Variants in DEPDC5 observed in about 807,000 individuals in gnomAD.
DEPDC5 encodes GATOR1 complex protein DEPDC5.
A neutral mutation model predicts 217.3 loss-of-function variants in DEPDC5; 73 were observed. The ratio of observed to expected loss-of-function variants is 0.34; its 90% CI spans 0.28 to 0.41. The LOEUF is 0.41. Among genes scored for constraint, DEPDC5 ranks in the 10% least tolerant of loss-of-function variants. DEPDC5 has a pLI of 1.00. For synonymous variants in DEPDC5, 733 were observed against 756.7 expected (o/e 0.97, Z 0.51); for missense variants, 1,675 against 2,070.1 (o/e 0.81, Z 3.70).
intron 7 of DEPDC5, 147 bp downstream of exon 7, chr22:31,769,010 T>G: frequency 9.6e-7 from 1 of 1,045,280 alleles, no homozygotes. Flanking sequence ...CCTGTAATCC[T>G]AGCACTTTGG....
intron 24 of DEPDC5, among the ~76,000 whole-genome samples, chr22:31,831,567 T>G (rs1602249312): frequency 6.6e-6 from 1 of 152,070 alleles, no homozygotes; most frequent in Non-Finnish European, 1.5e-5. Flanking sequence ...AAGTGCTGCT[T>G]CTTCTGCCTC....
intron 41 of DEPDC5, among the ~76,000 whole-genome samples, chr22:31,903,891 C>T (rs2093709534): frequency 2.0e-5 from 3 of 151,626 alleles, no homozygotes; most frequent in Non-Finnish European, 2.9e-5. Flanking sequence ...ATGCTTTTTC[C>T]TATTTGTGTT....
At chr22:31,778,314 A>G (rs1196509157) in intron 8 of DEPDC5, 146 bp downstream of exon 8, 1 of 747,910 alleles carries the variant, frequency 1.3e-6, no homozygotes. Context: ...CCTGGGCAAC[A>G]TGGAGAGACC....
Position 31,792,567 on chromosome 22 carries a change from C to G in DEPDC5, c.695-178C>G. ...GTTGCAGTGAGCTGAGATCTTACCA[C>G]TGCACTCCAGTCTGGGTGACAGAGT... On this transcript the variant is annotated intron_variant, in intron 11 of 42. Coordinates refer to ENST00000651528, the MANE Select transcript of DEPDC5 (RefSeq NM_001242896.3). The G allele has an allele frequency of 9.4e-6, 4 of 424,910 alleles. No homozygotes were observed. In the South Asian group the frequency reaches 1.1e-4, roughly 12 times the overall value. The allele number at this position is 424,910 out of a possible 1,614,324, so 26.3% of individuals were successfully genotyped here.
chr22:31,848,482 G>C (rs1475139946), intron 31 of DEPDC5, among the ~76,000 whole-genome samples: 1 of 152,208 alleles, frequency 6.6e-6, no homozygotes, highest in South Asian at 2.1e-4. Context: ...GCCAAGGCTT[G>C]GGGCTTACAC....
intron 31 of DEPDC5, among the ~76,000 whole-genome samples, chr22:31,854,212 T>G (rs568330576): frequency 6.6e-6 from 1 of 152,314 alleles, no homozygotes; most frequent in Non-Finnish European, 1.5e-5. Context: ...AAGAAGAGCT[T>G]CTAAGGGCAA....
At chr22:31,802,891 C>T in intron 15 of DEPDC5, 53 bp downstream of exon 15, 5 of 1,503,888 alleles carry the variant, frequency 3.3e-6, no homozygotes, top group South Asian at 2.8e-5. Context: ...CCTGATTTCC[C>T]CTTAGAACTG....
chr22:31,896,071 G>T (rs1471515134), intron 39 of DEPDC5, among the ~76,000 whole-genome samples: 1 of 151,570 alleles, frequency 6.6e-6, no homozygotes, highest in Non-Finnish European at 1.5e-5. Flanking sequence ...TATAGTTATA[G>T]TTGGGCAGGA....
chr22:31,776,865 G>T (rs2083913744), intron 7 of DEPDC5, among the ~76,000 whole-genome samples: 1 of 151,916 alleles, frequency 6.6e-6, no homozygotes, highest in Non-Finnish European at 1.5e-5. Context: ...ATGAGCCACT[G>T]CACCCATTCT....
chr22:31,893,684 C>G lies in DEPDC5; in HGVS notation c.4136C>G (p.Ser1379Cys), dbSNP rs765244692. The change falls in exon 39 of 43, where the codon TCT becomes TGT. Residue 1379 changes from serine (S) to cysteine (C), a missense_variant. Ser to Cys is a moderately radical substitution (Grantham distance 112). Around this residue, in one of 11 missense-constraint regions of DEPDC5, gnomAD observed 182 missense variants for 290.1 expected, o/e 0.63. Coordinates refer to ENST00000651528, the MANE Select transcript of DEPDC5 (RefSeq NM_001242896.3). ...WCSCYYHGNFSLNAAFEIKLH... is the reference protein window; with the variant it reads ...WCSCYYHGNFCLNAAFEIKLH... ...AGCTGTTATTACCATGGCAACTTTT[C>G]TCTGAATGCAGCCTTTGAGATCAAG... 1.9e-6 allele frequency: 3 copies of G among 1,614,004 alleles called. No individual in the cohort carries two copies. Among genetic ancestry groups the G allele is most frequent in the East Asian group, 4.5e-5 (2 of 44,858 alleles).
chr22:31,761,954 C>T lies in DEPDC5; in HGVS notation c.193+1252C>T, dbSNP rs560032365. Among the ~76,000 whole-genome samples, 57 of 136,124 alleles carry T rather than the reference C, an allele frequency of 4.2e-4. 1 individual carries two copies. In the South Asian group the frequency reaches 0.011, roughly 27 times the overall value. The allele number at this position is 136,124 out of a possible 152,430, so 89.3% of individuals were successfully genotyped here. On this transcript the variant is annotated intron_variant, in intron 4 of 42. Coordinates refer to ENST00000651528, the MANE Select transcript of DEPDC5 (RefSeq NM_001242896.3). ...CTGCACTCCAGCCTGGGCGACAGAG[C>T]GAGACTCCGGCTCAAAAAAAAAAAA...
At chr22:31,865,523 A>AG (rs2092667050) in intron 33 of DEPDC5, among the ~76,000 whole-genome samples, 1 of 151,890 alleles carries the variant, frequency 6.6e-6, no homozygotes, top group African/African-American at 2.4e-5. Context: ...ACAAAACAAA[A>AG]CATATATATA....
intron 7 of DEPDC5, among the ~76,000 whole-genome samples, chr22:31,770,820 C>T (rs1288790031): frequency 7.2e-6 from 1 of 138,840 alleles, no homozygotes; most frequent in African/African-American, 2.7e-5. Context: ...GAGACAAAGT[C>T]TCACTCTGTC....
chr22:31,898,116 A>C (rs1213069527), intron 40 of DEPDC5, among the ~76,000 whole-genome samples: 1 of 152,200 alleles, frequency 6.6e-6, no homozygotes, highest in Non-Finnish European at 1.5e-5. Context: ...CTTTTGTGCA[A>C]AGCTGTGGCA....
In DEPDC5 at chr22:31,767,930, A is replaced by G. The variant is rs1033026125; in HGVS notation, c.364-884A>G. ...CCGGCTAATTTTTTGTATTTTTAGT[A>G]GAGACAGGGTTTCACCACGTTAGCC... On this transcript the variant is annotated intron_variant, in intron 6 of 42. Coordinates refer to ENST00000651528, the MANE Select transcript of DEPDC5 (RefSeq NM_001242896.3). Among the ~76,000 whole-genome samples the G allele has an allele frequency of 3.3e-5, 5 of 150,270 alleles. No homozygotes were observed. The South Asian group carries it at 8.4e-4, about 25-fold the overall frequency.
chr22:31,840,176 G>T (rs1051212521), intron 27 of DEPDC5, among the ~76,000 whole-genome samples: 2 of 152,118 alleles, frequency 1.3e-5, no homozygotes, highest in African/African-American at 2.4e-5. Context: ...TTAATATGGG[G>T]CCCTATCTAA....
intron 38 of DEPDC5, among the ~76,000 whole-genome samples, chr22:31,886,775 A>AG (rs1334466347): frequency 1.7e-4 from 23 of 133,420 alleles, no homozygotes; most frequent in East Asian, 5.9e-4. Flanking sequence ...AAAAAAAAAA[A>AG]AGAGAGAGAG....
intron 33 of DEPDC5, among the ~76,000 whole-genome samples, chr22:31,861,645 T>C (rs866884921): frequency 2.4e-4 from 36 of 152,208 alleles, no homozygotes; most frequent in African/African-American, 8.2e-4. Context: ...GAACATATGA[T>C]TGTACCAGTG....
intron 35 of DEPDC5, 36 bp downstream of exon 35, chr22:31,873,368 C>T: frequency 6.3e-7 from 1 of 1,599,522 alleles, no homozygotes; most frequent in Non-Finnish European, 8.6e-7. Flanking sequence ...TTGGAAGGTT[C>T]CCAGAAGCCT....
Sources: allele counts gnomAD v4.1 joint callset (sites outside exome capture counted in the v4.1 genomes callset), GRCh38; gene constraint gnomAD v4.1.1; regional missense constraint gnomAD v4.1.1; transcripts MANE v1.5; gene names NCBI Gene and HGNC (gene_info 2026-07-23, HGNC 2026-07-21).